PDE7A: variants seen among roughly 807,000 people sequenced by gnomAD.
The protein encoded by PDE7A is high affinity 3',5'-cyclic-AMP phosphodiesterase 7A.
In PDE7A, 39 loss-of-function variants were observed where a neutral mutation model predicts 64.3. The observed-to-expected ratio is 0.61, with a 90% CI of 0.47 to 0.79. PDE7A has a LOEUF of 0.79. Among genes scored for constraint, PDE7A ranks in the 30% least tolerant of loss-of-function variants. The pLI, the probability that PDE7A is intolerant of heterozygous loss-of-function variation, is 0.00. For synonymous variants in PDE7A, 203 were observed against 206.8 expected, an observed-to-expected ratio of 0.98 and a Z score of 0.16; for missense variants, 470 against 582.8, an observed-to-expected ratio of 0.81 and a Z score of 1.99.
At chr8:65,749,820 T>C (rs1338711956) in intron 3 of PDE7A, among the ~76,000 whole-genome samples, 1 of 152,242 alleles carries the variant, frequency 6.6e-6, no homozygotes, top group African/African-American at 2.4e-5. Context: ...TTAAATTATA[T>C]TTCTACAGTA....
intron 1 of PDE7A, among the ~76,000 whole-genome samples, chr8:65,841,080 G>T (rs1246306400): frequency 6.6e-6 from 1 of 152,208 alleles, no homozygotes; most frequent in African/African-American, 2.4e-5. Flanking sequence ...AAAAGACAAG[G>T]GCGGTCATTC....
At chr8:65,781,554 T>C (rs1377322786) in intron 2 of PDE7A, among the ~76,000 whole-genome samples, 1 of 152,050 alleles carries the variant, frequency 6.6e-6, no homozygotes, top group Non-Finnish European at 1.5e-5. Flanking sequence ...GAGATTTGGG[T>C]GTATTTAAAG....
intron 1 of PDE7A, among the ~76,000 whole-genome samples, chr8:65,784,363 AAATACTGATTTTTAATAAAT>A (rs1266681721): frequency 6.6e-6 from 1 of 152,246 alleles, no homozygotes; most frequent in Non-Finnish European, 1.5e-5. Context: ...TCTGTGGAGG[AAATACTGATTTTTAATAAAT>A]AATGTTAGAT....
rs749772109 is a variant in PDE7A at position 65,734,889 on chromosome 8, T to C, written c.601A>G (p.Ile201Val). Residue 201 changes from isoleucine (I) to valine (V), a missense_variant, in exon 7 of 13, where the codon ATT becomes GTT. Ile to Val is a conservative substitution (Grantham distance 29). Coordinates refer to ENST00000401827, the MANE Select transcript of PDE7A (RefSeq NM_001242318.3). ...TTTTGACTGTGGTAATCTTCTTGAATCATAACTGCATCAAAGAAAGAGATC... is the reference window on the plus strand; with the variant it reads ...TTTTGACTGTGGTAATCTTCTTGAACCATAACTGCATCAAAGAAAGAGATC... ...MMKLRRFLVM[I>V]QEDYHSQNPY... 8.1e-6 allele frequency: 13 copies of C among 1,597,078 alleles called. No homozygotes were observed. In the African/African-American group the frequency reaches 1.7e-4, roughly 21 times the overall value.
At chr8:65,837,683 T>C (rs1339257171) in intron 1 of PDE7A, among the ~76,000 whole-genome samples, 3 of 152,226 alleles carry the variant, frequency 2.0e-5, no homozygotes, top group African/African-American at 4.8e-5. Context: ...CATTTCTGAC[T>C]CTGAATTTAT....
chr8:65,739,733 A>G, intron 5 of PDE7A, 136 bp from the exon 6 acceptor site: 1 of 933,938 alleles, frequency 1.1e-6, no homozygotes, highest in Non-Finnish European at 1.4e-6. Flanking sequence ...AAAAATATGC[A>G]TCTTCTTACC....
chr8:65,794,611 G>A (rs1809789992), intron 1 of PDE7A, among the ~76,000 whole-genome samples: 1 of 152,138 alleles, frequency 6.6e-6, no homozygotes. Flanking sequence ...CTCCAAACCA[G>A]TGTAGAAGTC....
intron 1 of PDE7A, among the ~76,000 whole-genome samples, chr8:65,786,258 A>G (rs1046187602): frequency 3.9e-5 from 6 of 152,206 alleles, no homozygotes; most frequent in African/African-American, 1.4e-4. Context: ...ATACTGAACC[A>G]CAAGACATAG....
intron 1 of PDE7A, among the ~76,000 whole-genome samples, chr8:65,824,046 T>G (rs2128932986): frequency 6.6e-6 from 1 of 152,304 alleles, no homozygotes; most frequent in Admixed American, 6.5e-5. Flanking sequence ...ATGCCTTGCT[T>G]TATTGTGCTT....
At position 65,715,646 on chromosome 8, in the gene PDE7A, G is replaced by A. The variant is rs1183237369; in HGVS notation, c.*3644C>T. 6.7e-5 allele frequency among the ~76,000 whole-genome samples: 10 copies of A among 148,790 alleles called. No homozygotes were observed. The highest frequency in any genetic ancestry group is 1.3e-4 in the Admixed American group (2 of 15,054). ...ACCCACCTCAGCCTCCCAAAGTGCT[G>A]GGATTACAGGTGTGAGCCACCATGC... On this transcript the variant is annotated 3_prime_UTR_variant, in exon 13 of 13. Transcript: ENST00000401827.
At chr8:65,721,074 C>G (rs1806357516) in intron 12 of PDE7A, among the ~76,000 whole-genome samples, 1 of 152,096 alleles carries the variant, frequency 6.6e-6, no homozygotes, top group South Asian at 2.1e-4. Flanking sequence ...GTTTTAAATA[C>G]CTGATAAAAA....
At chr8:65,747,600 C>T (rs955273814) in intron 4 of PDE7A, 52 bp downstream of exon 4, 33 of 1,179,800 alleles carry the variant, frequency 2.8e-5, no homozygotes, top group Non-Finnish European at 3.2e-5. Flanking sequence ...GAATAAAGGC[C>T]TTCAGTAAAC....
At chr8:65,738,231 A>G (rs973361933) in intron 6 of PDE7A, among the ~76,000 whole-genome samples, 16 of 152,092 alleles carry the variant, frequency 1.1e-4, no homozygotes, top group Admixed American at 1.0e-3. Flanking sequence ...ACCTTCATTA[A>G]GTTGTAATCT....
In PDE7A at chr8:65,719,411, T is replaced by C; in HGVS notation, c.1328A>G (p.His443Arg). The change falls in exon 13 of 13, where the codon CAC becomes CGC. Residue 443 changes from histidine (H) to arginine (R), a missense_variant. Transcript: ENST00000401827. ...NTRLSQTMLGHVGLNKASWKG... is the reference protein window; with the variant it reads ...NTRLSQTMLGRVGLNKASWKG... ...CCAGCTGGCTTTATTCAGCCCCACG[T>C]GTCCAAGCATTGTCTGGGATAGCCT... 1.2e-6 allele frequency: 2 copies of C among 1,614,086 alleles called. No homozygotes were observed. Among genetic ancestry groups the C allele is most frequent in the African/African-American group, 2.7e-5 (2 of 75,046 alleles).
At chr8:65,726,325 C>T (rs76277884) in intron 9 of PDE7A, among the ~76,000 whole-genome samples, 6,310 of 149,888 alleles carry the variant, frequency 0.042, 195 homozygotes, top group Non-Finnish European at 0.064. Context: ...TAAAATAGCC[C>T]ATTTATTTTT....
chr8:65,796,194 A>T lies in PDE7A; in HGVS notation c.139-13351T>A, dbSNP rs539235874. 7.2e-5 allele frequency among the ~76,000 whole-genome samples: 11 copies of T among 152,194 alleles called. No homozygotes were observed. In the South Asian group the frequency reaches 2.3e-3, roughly 32 times the overall value. ...CGGGACAACATCAAGCAGTGGAGTA[A>T]TTAGACTCCAAAAAGGAATGTAAAA... On this transcript the variant is annotated intron_variant, in intron 1 of 12. Coordinates refer to ENST00000401827, the MANE Select transcript of PDE7A (RefSeq NM_001242318.3).
chr8:65,739,647 A>C, intron 5 of PDE7A, 50 bp from the exon 6 acceptor site: 2 of 1,399,078 alleles, frequency 1.4e-6, no homozygotes, highest in Non-Finnish European at 1.9e-6. Flanking sequence ...AAGTCAACAC[A>C]ATTATATTAT....
At chr8:65,759,074 A>G (rs1311719529) in intron 3 of PDE7A, among the ~76,000 whole-genome samples, 2 of 152,186 alleles carry the variant, frequency 1.3e-5, no homozygotes, top group Non-Finnish European at 2.9e-5. Context: ...CACTCATTCC[A>G]TGGACCTCAG....
intron 3 of PDE7A, among the ~76,000 whole-genome samples, chr8:65,778,599 T>A (rs1809323790): frequency 6.6e-6 from 1 of 152,214 alleles, no homozygotes; most frequent in Non-Finnish European, 1.5e-5. Flanking sequence ...TTTATGCCAA[T>A]AAGTTTTGGG....
Sources: allele counts gnomAD v4.1 joint callset (sites outside exome capture counted in the v4.1 genomes callset), GRCh38; gene constraint gnomAD v4.1.1; transcripts MANE v1.5; gene names NCBI Gene and HGNC (gene_info 2026-07-23, HGNC 2026-07-21).